The following IFT81 variants were observed in gnomAD, a reference collection of about 807,000 sequenced individuals.
IFT81 encodes the protein intraflagellar transport 81.
Under a neutral mutation model 102.6 loss-of-function variants are expected in IFT81, and 72 were observed. The observed-to-expected ratio is 0.70, with a 90% confidence interval of 0.58 to 0.85. IFT81 has a LOEUF of 0.85. Among genes scored for constraint, IFT81 ranks in the 40% least tolerant of loss-of-function variants. IFT81 has a pLI of 0.00. For synonymous variants in IFT81, 237 were observed against 242.7 expected (o/e 0.98, Z 0.22); for missense variants, 723 against 787.3 (o/e 0.92, Z 0.98).
chr12:110,135,124 A>G (rs1894403346), intron 6 of IFT81, 111 bp downstream of exon 6: 1 of 856,558 alleles, frequency 1.2e-6, no homozygotes, highest in Admixed American at 2.5e-5. Flanking sequence ...CTGAGGATGG[A>G]CTCAAATAAC....
intron 11 of IFT81, among the ~76,000 whole-genome samples, chr12:110,163,650 C>T (rs1896277454): frequency 7.4e-6 from 1 of 135,638 alleles, no homozygotes. Context: ...GAGTCTCGCT[C>T]TGTCGCCCAG....
intron 8 of IFT81, among the ~76,000 whole-genome samples, chr12:110,139,687 T>C (rs1894738249): frequency 6.6e-6 from 1 of 150,996 alleles, no homozygotes; most frequent in African/African-American, 2.4e-5. Flanking sequence ...GGCAGGAGAA[T>C]GGCATGAACC....
At chr12:110,131,216 G>A (rs1292357927) in intron 4 of IFT81, among the ~76,000 whole-genome samples, 8 of 152,046 alleles carry the variant, frequency 5.3e-5, no homozygotes, top group East Asian at 1.9e-4. Context: ...CAGGGAGGTC[G>A]AGGCTGCAAT....
Position 110,135,308 on chromosome 12 carries a change from A to G in IFT81, c.586-19A>G. 3.4e-6 allele frequency: 5 copies of G among 1,486,830 alleles called. No individual in the cohort carries two copies. The highest frequency in any genetic ancestry group is 4.6e-6 in the Non-Finnish European group (5 of 1,076,386). The allele number at this position is 1,486,830 out of a possible 1,614,324, so 92.1% of individuals were successfully genotyped here. On this transcript the variant is annotated intron_variant, in intron 6 of 18. Coordinates refer to ENST00000242591, the MANE Select transcript of IFT81 (RefSeq NM_014055.4). Reference sequence around the variant, plus strand: ...TTCAAACCTGACAGTAACATGTACTACTTATTCCCTTACTGTAGGTTGAGA... The same window carrying G: ...TTCAAACCTGACAGTAACATGTACTGCTTATTCCCTTACTGTAGGTTGAGA...
intron 11 of IFT81, among the ~76,000 whole-genome samples, chr12:110,172,894 A>G (rs1325046039): frequency 2.0e-5 from 3 of 149,828 alleles, no homozygotes; most frequent in Non-Finnish European, 3.0e-5. Flanking sequence ...CCCAGTCTGG[A>G]AAGTGAGGAG....
At chr12:110,181,986 A>T (rs1013261628) in intron 12 of IFT81, among the ~76,000 whole-genome samples, 2 of 152,154 alleles carry the variant, frequency 1.3e-5, no homozygotes, top group Non-Finnish European at 2.9e-5. Context: ...ACTGGAGTTG[A>T]TTCCATCTTG....
intron 12 of IFT81, among the ~76,000 whole-genome samples, chr12:110,190,103 C>T (rs1897720933): frequency 6.6e-6 from 1 of 152,148 alleles, no homozygotes; most frequent in African/African-American, 2.4e-5. Flanking sequence ...CAACAGCTGC[C>T]TATCTCATTT....
intron 8 of IFT81, among the ~76,000 whole-genome samples, chr12:110,139,852 A>AAAATAAAAT (rs1894769091): frequency 7.8e-6 from 1 of 127,692 alleles, no homozygotes; most frequent in African/African-American, 3.4e-5. Flanking sequence ...TAAAATAAAT[A>AAAATAAAAT]AAATAAAATA....
intron 6 of IFT81, 149 bp from the exon 7 acceptor site, chr12:110,135,178 C>T (rs1455530016): frequency 2.8e-6 from 2 of 712,772 alleles, no homozygotes; most frequent in East Asian, 5.4e-5. Flanking sequence ...CCAGCACTTT[C>T]AAGGACCTGG....
chr12:110,218,385 G>A lies in IFT81; in HGVS notation c.*159G>A. 1 of 504,326 alleles carries A rather than the reference G, an allele frequency of 2.0e-6. No homozygotes were observed. The highest frequency in any genetic ancestry group is 3.3e-6 in the Non-Finnish European group (1 of 300,438). 31.2% of individuals were successfully genotyped at this position (504,326 alleles called of 1,614,324 possible). On this transcript the variant is annotated 3_prime_UTR_variant, in exon 19 of 19. Transcript: ENST00000242591. ...AGAAAATAATGTTAAGGTAGATTTAGTTTGAATGTTTTTTCATATGAAAAA... is the reference window on the plus strand; with the variant it reads ...AGAAAATAATGTTAAGGTAGATTTAATTTGAATGTTTTTTCATATGAAAAA...
chr12:110,213,962 C>T (rs2137614826), intron 18 of IFT81, among the ~76,000 whole-genome samples: 1 of 152,080 alleles, frequency 6.6e-6, no homozygotes, highest in Admixed American at 6.6e-5. Flanking sequence ...TGTCTCAAAC[C>T]TGAAATTAGC....
rs374256195 is a variant in IFT81, at chr12:110,180,548, C to T, written c.1315C>T (p.His439Tyr). 5 of 1,604,566 alleles carry T rather than the reference C, an allele frequency of 3.1e-6. No homozygotes were observed. Among genetic ancestry groups the T allele is most frequent in the Non-Finnish European group, 4.3e-6 (5 of 1,173,422 alleles). ...QRTEELLKQR[H>Y]ENIQQQLQTM... is the part of the protein sequence containing the mutation. ...GACTGAAGAACTTCTTAAGCAACGT[C>T]ATGAAAATATTCAACAACAACTGGT... The change falls in exon 12 of 19, where the codon CAT becomes TAT. Residue 439 changes from histidine to tyrosine, a missense_variant. Physicochemically the swap from His to Tyr is moderately conservative, Grantham distance 83. Transcript: ENST00000242591.
At chr12:110,216,286 C>T (rs1171928458) in intron 18 of IFT81, among the ~76,000 whole-genome samples, 1 of 151,716 alleles carries the variant, frequency 6.6e-6, no homozygotes, top group Non-Finnish European at 1.5e-5. Flanking sequence ...AAATTCCTGG[C>T]TCAAGTGACC....
chr12:110,124,958 A>C (rs1893741955), intron 1 of IFT81, 97 bp downstream of exon 1: 1 of 152,210 alleles, frequency 6.6e-6, no homozygotes. Context: ...GGGCACAGAC[A>C]GCCTTCCTGT....
intron 5 of IFT81, 26 bp from the exon 6 acceptor site, chr12:110,134,922 A>C: frequency 1.3e-6 from 2 of 1,570,182 alleles, no homozygotes; most frequent in Non-Finnish European, 1.7e-6. Context: ...ACTTTTTCTT[A>C]TAAGGTCTTC....
In IFT81 at chr12:110,129,030, A is replaced by C; in HGVS notation, c.329A>C (p.Asn110Thr). The change falls in exon 4 of 19, where the codon AAT becomes ACT. Residue 110 changes from asparagine to threonine, a missense_variant. Physicochemically the swap from Asn to Thr is moderately conservative, Grantham distance 65. Coordinates refer to ENST00000242591, the MANE Select transcript of IFT81 (RefSeq NM_014055.4). ...PVLHWLLQRT[N>T]ELKKRAYLAR... ...CTCCACTGGCTTCTTCAGAGGACTA[A>C]TGAACTGAAGAAAAGAGCATATTTA... 1 of 1,609,610 alleles carries C rather than the reference A, an allele frequency of 6.2e-7. No homozygotes were observed. Among genetic ancestry groups the C allele is most frequent in the African/African-American group, 1.3e-5 (1 of 74,704 alleles).
intron 8 of IFT81, 56 bp downstream of exon 8, chr12:110,136,916 G>T: frequency 9.3e-7 from 1 of 1,073,560 alleles, no homozygotes; most frequent in South Asian, 1.5e-5. Context: ...TTTAAATCAC[G>T]ATCTTCCTAA....
chr12:110,198,300 G>T (rs1028297815), intron 14 of IFT81, among the ~76,000 whole-genome samples: 1 of 149,552 alleles, frequency 6.7e-6, no homozygotes, highest in Non-Finnish European at 1.5e-5. Context: ...ATAATGGCTT[G>T]GTCAGAAAAA....
At chr12:110,137,195 C>G (rs1894567997) in intron 8 of IFT81, among the ~76,000 whole-genome samples, 1 of 151,990 alleles carries the variant, frequency 6.6e-6, no homozygotes, top group South Asian at 2.1e-4. Context: ...CAAAAATTAG[C>G]AGAGCGTGGT....
Sources: allele counts gnomAD v4.1 joint callset (sites outside exome capture counted in the v4.1 genomes callset), GRCh38; gene constraint gnomAD v4.1.1; transcripts MANE v1.5; gene names NCBI Gene and HGNC (gene_info 2026-07-23, HGNC 2026-07-21).